Variants in GGA2 observed in about 807,000 individuals in gnomAD.
GGA2 encodes the protein ADP-ribosylation factor-binding protein GGA2.
Under a neutral mutation model 79.5 loss-of-function variants are expected in GGA2, and 48 were observed. That is an observed-to-expected ratio of 0.60 (90% CI 0.48 to 0.77). The LOEUF (loss-of-function observed/expected upper bound fraction) is 0.77, where lower values mean the gene tolerates loss of function less well. Ranked by LOEUF, GGA2 falls within the 30% of genes least tolerant of loss-of-function variation. The pLI, the probability that GGA2 is intolerant of heterozygous loss-of-function variation, is 0.00. For synonymous variants in GGA2, 317 were observed against 302.0 expected (o/e 1.05, Z -0.51); for missense variants, 770 against 774.0 (o/e 0.99, Z 0.06).
chr16:23,468,831 C>T (rs1321182831), intron 16 of GGA2, 55 bp downstream of exon 16: 1 of 977,628 alleles, frequency 1.0e-6, no homozygotes, highest in African/African-American at 1.6e-5. Context: ...AAAGTTACCT[C>T]CCCTTACAGT....
At chr16:23,487,183 T>C (rs904057588) in intron 6 of GGA2, among the ~76,000 whole-genome samples, 2 of 152,126 alleles carry the variant, frequency 1.3e-5, no homozygotes, top group African/African-American at 4.8e-5. Flanking sequence ...GGTTTCACCA[T>C]GTTGGCCAGG....
At position 23,488,666 on chromosome 16, in the gene GGA2, T is replaced by C. The variant is rs368831806; in HGVS notation, c.519A>G (p.Leu173=). 13 of 1,610,302 alleles carry C rather than the reference T, an allele frequency of 8.1e-6. No individual in the cohort carries two copies. The highest frequency in any genetic ancestry group is 1.0e-5 in the Non-Finnish European group (12 of 1,176,832). ...TCTTGGGCCAGGGAGATGGTGGGGG[T>C]AAGATTTTATCCACTGGTAGTTTAG... is the stretch of plus-strand genomic sequence containing the variant. ...QDPKLPVDKI[L]PPPSPWPKSS... is the part of the protein sequence containing the mutation. The change falls in exon 6 of 17, where the codon TTA becomes TTG. Residue 173 remains leucine, a synonymous_variant. Coordinates refer to ENST00000309859, the MANE Select transcript of GGA2 (RefSeq NM_015044.4).
chr16:23,474,858 T>G, intron 14 of GGA2, 46 bp downstream of exon 14: 2 of 1,405,028 alleles, frequency 1.4e-6, no homozygotes, highest in Non-Finnish European at 1.0e-6. Flanking sequence ...GTCTAATAGA[T>G]TCCCAGGGAA....
chr16:23,510,636 G>A (rs937022901), upstream of GGA2: 5 of 377,118 alleles, frequency 1.3e-5, no homozygotes, highest in East Asian at 7.6e-5. Flanking sequence ...ACCACTCACC[G>A]TACGGTTGCC....
chr16:23,518,265 G>C (rs996117992), intron 2 of GGA2, among the ~76,000 whole-genome samples: 2 of 152,126 alleles, frequency 1.3e-5, no homozygotes, highest in African/African-American at 4.8e-5. Flanking sequence ...ATGGAGTACA[G>C]TGACACAGAC....
chr16:23,524,191 T>C (rs780381864), upstream of GGA2: 70 of 644,652 alleles, frequency 1.1e-4, no homozygotes, highest in Non-Finnish European at 1.6e-4. Context: ...CCCCAGCCAA[T>C]TGACAAAAAC....
intron 9 of GGA2, 106 bp from the exon 10 acceptor site, chr16:23,480,876 A>G (rs1964639574): frequency 1.8e-6 from 2 of 1,095,156 alleles, no homozygotes; most frequent in Non-Finnish European, 1.4e-6. Flanking sequence ...GACTATGTTC[A>G]GTTTATCCAC....
At chr16:23,471,000 T>C (rs1258127842) in intron 14 of GGA2, among the ~76,000 whole-genome samples, 1 of 151,904 alleles carries the variant, frequency 6.6e-6, no homozygotes, top group Non-Finnish European at 1.5e-5. Flanking sequence ...TGGCTAATTT[T>C]TGTGTTTTTA....
At chr16:23,505,375 G>A (rs1225122531) in intron 1 of GGA2, among the ~76,000 whole-genome samples, 1 of 152,136 alleles carries the variant, frequency 6.6e-6, no homozygotes, top group African/African-American at 2.4e-5. Flanking sequence ...CACCTAAGAT[G>A]TCTACCAACA....
chr16:23,480,704 C>T lies in GGA2; in HGVS notation c.947G>A (p.Gly316Asp). 6.2e-7 allele frequency: 1 copy of T among 1,612,902 alleles called. No individual in the cohort carries two copies. The highest frequency in any genetic ancestry group is 8.5e-7 in the Non-Finnish European group (1 of 1,178,858). Residue 316 changes from glycine (G) to aspartate (D), a missense_variant, in exon 10 of 17, where the codon GGC becomes GAC. Transcript: ENST00000309859. ...GVLLYKQVME[G>D]RVTFGNRVTS... The stretch of plus-strand genomic sequence containing the variant: ...CACTCTGTTTCCAAAGGTGACCCGG[C>T]CCTCCATCACCTGTTTGTACAGCAG...
In GGA2 at chr16:23,483,003, A is replaced by T; in HGVS notation, c.800T>A (p.Val267Asp). Residue 267 changes from valine to aspartate, a missense_variant and splice_region_variant, in exon 9 of 17, where the codon GTC becomes GAC. By Grantham distance (152) the Val-to-Asp change is radical. Transcript: ENST00000309859. ...CAGCTTTTCACACCTCTCATACACGACCTGAAAGAGCAGAGCTTGGTTCAT... is the reference window on the plus strand; with the variant it reads ...CAGCTTTTCACACCTCTCATACACGTCCTGAAAGAGCAGAGCTTGGTTCAT... ...QAPPDQEALQ[V>D]VYERCEKLRP... is the part of the protein sequence containing the mutation. 6.2e-7 allele frequency: 1 copy of T among 1,606,840 alleles called. No individual in the cohort carries two copies. Among genetic ancestry groups the T allele is most frequent in the Non-Finnish European group, 8.5e-7 (1 of 1,173,612 alleles).
intron 2 of GGA2, among the ~76,000 whole-genome samples, chr16:23,516,160 AC>A (rs1965101565): frequency 6.6e-6 from 1 of 151,414 alleles, no homozygotes; most frequent in Non-Finnish European, 1.5e-5. Flanking sequence ...GGCACACGCC[AC>A]CATGCCCGGC....
intron 1 of GGA2, among the ~76,000 whole-genome samples, chr16:23,497,004 T>C (rs1964864462): frequency 7.9e-6 from 1 of 126,356 alleles, no homozygotes; most frequent in South Asian, 2.7e-4. Context: ...GTGACTGTAG[T>C]CACAGCTACT....
Position 23,480,748 on chromosome 16 carries a change from G to T in GGA2, c.903C>A (p.Asp301Glu). 4 of 1,610,550 alleles carry T rather than the reference G, an allele frequency of 2.5e-6. No homozygotes were observed. The highest frequency in any genetic ancestry group is 3.4e-6 in the Non-Finnish European group (4 of 1,176,960). Reference protein sequence around the residue: ...DALAEILQANDLLTQGVLLYK... With the variant: ...DALAEILQANELLTQGVLLYK... ...ACAGCAGAACTCCTTGGGTGAGGAG[G>T]TCATTTGCCTGGAGAATTTCCGCTG... The change falls in exon 10 of 17, where the codon GAC (aspartate) becomes GAA (glutamate). Residue 301 changes from aspartate to glutamate, a missense_variant. Coordinates refer to ENST00000309859, the MANE Select transcript of GGA2 (RefSeq NM_015044.4).
chr16:23,519,775 T>C (rs1965125009), intron 1 of GGA2: 2 of 215,106 alleles, frequency 9.3e-6, no homozygotes, highest in African/African-American at 4.7e-5. Context: ...TGAGGTCCAG[T>C]TGGAAGTCCT....
intron 13 of GGA2, among the ~76,000 whole-genome samples, chr16:23,475,756 T>TA (rs895985108): frequency 4.7e-5 from 7 of 147,686 alleles, no homozygotes; most frequent in Non-Finnish European, 6.0e-5. Context: ...ATACAAAAAT[T>TA]AAAAAAAAAT....
chr16:23,518,501 C>A (rs1308288349), intron 2 of GGA2, among the ~76,000 whole-genome samples: 1 of 152,224 alleles, frequency 6.6e-6, no homozygotes. Context: ...GAGTAAGCCA[C>A]CACACCCAGC....
chr16:23,510,542 G>A (rs1362326453), upstream of GGA2: 5 of 327,178 alleles, frequency 1.5e-5, no homozygotes, highest in Non-Finnish European at 2.6e-5. Context: ...CTGGCGCCAC[G>A]CCCACCCCAG....
intron 9 of GGA2, among the ~76,000 whole-genome samples, chr16:23,481,066 TTTTAAC>T (rs1305368403): frequency 3.3e-5 from 5 of 152,214 alleles, no homozygotes; most frequent in Non-Finnish European, 7.3e-5. Flanking sequence ...AATAACAAAC[TTTTAAC>T]TTTAACTCAG....
Sources: allele counts gnomAD v4.1 joint callset (sites outside exome capture counted in the v4.1 genomes callset), GRCh38; gene constraint gnomAD v4.1.1; transcripts MANE v1.5; gene names NCBI Gene and HGNC (gene_info 2026-07-23, HGNC 2026-07-21).